Variants in CDC123 observed in about 807,000 individuals in gnomAD.
The protein encoded by CDC123 is cell division cycle 123, also known as translation initiation factor eIF2 assembly protein.
In CDC123, 37 loss-of-function variants were observed where a neutral mutation model predicts 54.4. The ratio of observed to expected loss-of-function variants is 0.68; its 90% CI spans 0.52 to 0.89. CDC123 has a LOEUF of 0.89. CDC123 is among the 40% of genes least tolerant of loss of function. CDC123 has a pLI of 0.00. For missense variants in CDC123, 361 were observed against 412.1 expected, an observed-to-expected ratio of 0.88 and a Z score of 1.07; for synonymous variants, 144 against 136.8, an observed-to-expected ratio of 1.05 and a Z score of -0.37.
At chr10:12,219,269 G>A (rs11257603) in intron 6 of CDC123, among the ~76,000 whole-genome samples, 3,187 of 152,220 alleles carry the variant, frequency 0.021, 101 homozygotes, top group African/African-American at 0.072. Flanking sequence ...GTGTTACATC[G>A]TATTACATGT....
intron 9 of CDC123, among the ~76,000 whole-genome samples, chr10:12,237,883 C>T (rs751623127): frequency 7.8e-4 from 119 of 152,308 alleles, no homozygotes; most frequent in Admixed American, 3.4e-3. Context: ...TGATCAAAGA[C>T]AGCACCAGTT....
chr10:12,217,731 GATAA>G (rs1230931240), intron 6 of CDC123, among the ~76,000 whole-genome samples: 1 of 152,070 alleles, frequency 6.6e-6, no homozygotes, highest in African/African-American at 2.4e-5. Context: ...TTATAAAACT[GATAA>G]ATATTTATCA....
chr10:12,214,267 G>A (rs1835637134), intron 4 of CDC123, among the ~76,000 whole-genome samples: 1 of 152,184 alleles, frequency 6.6e-6, no homozygotes, highest in Admixed American at 6.5e-5. Context: ...CAACAATGCC[G>A]TTCATAGGAA....
chr10:12,227,702 C>T (rs983427274), intron 6 of CDC123, among the ~76,000 whole-genome samples: 2 of 151,858 alleles, frequency 1.3e-5, no homozygotes, highest in African/African-American at 2.4e-5. Context: ...TTCATCATGT[C>T]GGCCAAGCTG....
chr10:12,223,934 G>T lies in CDC123; in HGVS notation c.440+6467G>T, dbSNP rs767274809. Among the ~76,000 whole-genome samples the T allele has an allele frequency of 1.1e-3, 171 of 152,106 alleles. 2 individuals are homozygous for T. In the Middle Eastern group the frequency reaches 0.014, roughly 12 times the overall value. Reference sequence around the variant, plus strand: ...GGTTACATGGGTACATTCTTTAGTGGTGATTTCTGAGCTTTTGGTGCACCC... The same window carrying T: ...GGTTACATGGGTACATTCTTTAGTGTTGATTTCTGAGCTTTTGGTGCACCC... On this transcript the variant is annotated intron_variant, in intron 6 of 12. Transcript: ENST00000281141.
At chr10:12,200,901 C>T in intron 2 of CDC123, among the ~76,000 whole-genome samples, 1 of 151,782 alleles carries the variant, frequency 6.6e-6, no homozygotes, top group Non-Finnish European at 1.5e-5. Flanking sequence ...CCATTGCGCT[C>T]CAGCCTGGAC....
chr10:12,224,138 T>C (rs1835773587), intron 6 of CDC123, among the ~76,000 whole-genome samples: 1 of 152,028 alleles, frequency 6.6e-6, no homozygotes, highest in Non-Finnish European at 1.5e-5. Flanking sequence ...CCTGCGTTAC[T>C]TCACTTGGAA....
At chr10:12,246,985 G>A (rs1836149985) in intron 11 of CDC123, 1 of 113,536 alleles carries the variant, frequency 8.8e-6, no homozygotes, top group Admixed American at 1.0e-4. Flanking sequence ...CTCCCCCTCA[G>A]GACACTGTCC....
At chr10:12,227,194 G>A (rs927274612) in intron 6 of CDC123, among the ~76,000 whole-genome samples, 6 of 150,288 alleles carry the variant, frequency 4.0e-5, no homozygotes, top group African/African-American at 7.3e-5. Flanking sequence ...GCAGTGAGCC[G>A]AGATGGCGGC....
At chr10:12,228,957 G>C (rs1012654299) in intron 6 of CDC123, among the ~76,000 whole-genome samples, 1 of 151,368 alleles carries the variant, frequency 6.6e-6, no homozygotes, top group African/African-American at 2.4e-5. Context: ...TCAAGCAATC[G>C]GCCCGCCTCA....
At chr10:12,225,004 C>T (rs2131747283) in intron 6 of CDC123, among the ~76,000 whole-genome samples, 1 of 152,252 alleles carries the variant, frequency 6.6e-6, no homozygotes, top group Non-Finnish European at 1.5e-5. Context: ...TGCAGACTTC[C>T]TGCTGAGGCC....
intron 9 of CDC123, among the ~76,000 whole-genome samples, chr10:12,237,724 G>A (rs1013386190): frequency 2.0e-5 from 3 of 152,138 alleles, no homozygotes; most frequent in South Asian, 2.1e-4. Flanking sequence ...GTGAGCCACC[G>A]CACCAGCCAT....
At chr10:12,213,460 A>G (rs895046857) in intron 4 of CDC123, among the ~76,000 whole-genome samples, 10 of 152,188 alleles carry the variant, frequency 6.6e-5, no homozygotes, top group Non-Finnish European at 1.5e-4. Context: ...AGAACAACAG[A>G]GAGAGGAACT....
At chr10:12,239,403 T>G (rs541194754) in intron 10 of CDC123, among the ~76,000 whole-genome samples, 3 of 152,282 alleles carry the variant, frequency 2.0e-5, no homozygotes, top group African/African-American at 7.2e-5. Context: ...GCCAGGAGTT[T>G]GTCACTTGAT....
At chr10:12,203,761 A>G (rs912774165) in intron 2 of CDC123, among the ~76,000 whole-genome samples, 1 of 152,164 alleles carries the variant, frequency 6.6e-6, no homozygotes, top group African/African-American at 2.4e-5. Flanking sequence ...ATAAATAAAT[A>G]AATAAATGTC....
At chr10:12,238,416 AT>A in intron 9 of CDC123, 40 bp from the exon 10 acceptor site, 1 of 1,584,638 alleles carries the variant, frequency 6.3e-7, no homozygotes, top group Middle Eastern at 1.7e-4. Flanking sequence ...ACATTGTGAA[AT>A]ATTAGTTCAT....
chr10:12,242,468 C>T (rs1337951554), intron 10 of CDC123, among the ~76,000 whole-genome samples: 1 of 152,130 alleles, frequency 6.6e-6, no homozygotes, highest in African/African-American at 2.4e-5. Flanking sequence ...TGGAAGGAGT[C>T]GATTTTGTGT....
At chr10:12,246,331 CTGCT>C in intron 11 of CDC123, 54 bp downstream of exon 11, 2 of 1,593,970 alleles carry the variant, frequency 1.3e-6, no homozygotes, top group Non-Finnish European at 1.7e-6. Flanking sequence ...TACTGACTGA[CTGCT>C]TGTTCTTCAG....
At chr10:12,233,423 G>A (rs1325660213) in intron 7 of CDC123, among the ~76,000 whole-genome samples, 1 of 152,124 alleles carries the variant, frequency 6.6e-6, no homozygotes, top group Non-Finnish European at 1.5e-5. Context: ...GAGGGACAGA[G>A]TTCGGGAGAG....
Sources: gnomAD v4.1 joint callset for allele counts (sites outside exome capture counted in the v4.1 genomes callset) on GRCh38, gnomAD v4.1.1 for gene constraint, MANE v1.5 for transcripts, NCBI Gene and HGNC (gene_info 2026-07-23, HGNC 2026-07-21) for gene names.